LIPA: variants seen among roughly 807,000 people sequenced by gnomAD.
LIPA encodes lipase A, lysosomal acid type.
In LIPA, 26 loss-of-function variants were observed where a neutral mutation model predicts 40.6. That is an observed-to-expected ratio of 0.64 (90% CI 0.47 to 0.89). The LOEUF (loss-of-function observed/expected upper bound fraction) is 0.89, where lower values mean the gene tolerates loss of function less well. Ranked by LOEUF, LIPA falls within the 40% of genes least tolerant of loss-of-function variation. The pLI is 0.00. For synonymous variants in LIPA, 188 were observed against 168.4 expected (o/e 1.12, Z -0.90); for missense variants, 455 against 479.6 (o/e 0.95, Z 0.48).
At chr10:89,258,622 T>G (rs144482039) in intron 1 of LIPA, among the ~76,000 whole-genome samples, 1 of 152,210 alleles carries the variant, frequency 6.6e-6, no homozygotes, top group South Asian at 2.1e-4. Flanking sequence ...GTGTGGCCAC[T>G]TTGGAAAACA....
intron 2 of LIPA, among the ~76,000 whole-genome samples, 159 bp from the exon 3 acceptor site, chr10:89,245,952 A>T (rs1843019370): frequency 6.6e-6 from 1 of 152,028 alleles, no homozygotes; most frequent in Non-Finnish European, 1.5e-5. Context: ...ACTTCTCATC[A>T]CAAGAGTAAA....
At chr10:89,394,575 AAAATATATATATAT>A (rs1844306043) in intron 2 of LIPA, among the ~76,000 whole-genome samples, 1 of 114,270 alleles carries the variant, frequency 8.8e-6, no homozygotes, top group South Asian at 2.8e-4. Context: ...GTACTACAGG[AAAATATATATATAT>A]ATATATATAT....
In LIPA at chr10:89,215,071, A is replaced by C. The variant is rs754202718; in HGVS notation, c.967-10T>G. The C allele has an allele frequency of 4.4e-6, 7 of 1,580,188 alleles. No individual in the cohort carries two copies. The South Asian group carries it at 7.7e-5, about 17-fold the overall frequency. ...ATGTGGGAGGATAACTCTACAATGA[A>C]AAGGAACCAGAGAAAGCCTCGTTGT... On this transcript the variant is annotated splice_polypyrimidine_tract_variant and intron_variant, in intron 9 of 9. Coordinates refer to ENST00000336233, the MANE Select transcript of LIPA (RefSeq NM_000235.4).
In LIPA at chr10:89,225,806, G is replaced by A. The variant is rs150520435; in HGVS notation, c.539-578C>T. Among the ~76,000 whole-genome samples, 1,521 of 152,164 alleles carry A rather than the reference G, an allele frequency of 1.0e-2. 6 individuals carry two copies. Among genetic ancestry groups the A allele is most frequent in the Middle Eastern group, 0.017 (5 of 294 alleles). On this transcript the variant is annotated intron_variant, in intron 5 of 9. Coordinates refer to ENST00000336233, the MANE Select transcript of LIPA (RefSeq NM_000235.4). ...TGGGAGATAATTGAATCACGGAGGCGGTTCCCCCCATACTGTTCTTGTGGT... is the reference window on the plus strand; with the variant it reads ...TGGGAGATAATTGAATCACGGAGGCAGTTCCCCCCATACTGTTCTTGTGGT...
chr10:89,252,098 T>A (rs181941858), upstream of LIPA: 3 of 152,318 alleles, frequency 2.0e-5, no homozygotes. Context: ...GGCCTTCTGC[T>A]CCGCCCCCGA....
rs148649296 is a variant in LIPA at position 89,294,086 on chromosome 10, C to T, written c.-1-46437G>A. ...ACGAATGGTGAATGAATGAATGAAA[C>T]AAATACTCCTAGTGTTCTAACAGGG... On this transcript the variant is annotated intron_variant, in intron 1 of 5. Transcript: ENST00000282673. Among the ~76,000 whole-genome samples, 5 of 152,282 alleles carry T rather than the reference C, an allele frequency of 3.3e-5. No homozygotes were observed. In the East Asian group the frequency reaches 9.6e-4, roughly 29 times the overall value.
chr10:89,265,209 C>T (rs1467998477), intron 1 of LIPA, among the ~76,000 whole-genome samples: 2 of 119,388 alleles, frequency 1.7e-5, no homozygotes, highest in African/African-American at 6.5e-5. Flanking sequence ...GAGTGGGGTG[C>T]AGGGGGTTGG....
chr10:89,381,734 A>C (rs1355027181), intron 2 of LIPA, among the ~76,000 whole-genome samples: 1 of 151,988 alleles, frequency 6.6e-6, no homozygotes, highest in Non-Finnish European at 1.5e-5. Context: ...GGTGCTATTC[A>C]TTATCTTGTG....
At chr10:89,219,045 T>G (rs1208481113) in intron 8 of LIPA, among the ~76,000 whole-genome samples, 1 of 152,164 alleles carries the variant, frequency 6.6e-6, no homozygotes. Flanking sequence ...ATACAAGTCA[T>G]TTTTCTTTCA....
chr10:89,264,159 G>A (rs967394969), intron 1 of LIPA, among the ~76,000 whole-genome samples: 1 of 152,102 alleles, frequency 6.6e-6, no homozygotes, highest in Non-Finnish European at 1.5e-5. Context: ...ATGGCAAGCA[G>A]GGGGGGTGGT....
intron 3 of LIPA, among the ~76,000 whole-genome samples, chr10:89,242,696 C>T (rs1035449096): frequency 1.3e-5 from 2 of 152,208 alleles, no homozygotes; most frequent in Non-Finnish European, 2.9e-5. Context: ...TGTTTTAATA[C>T]ATTTTGTAAT....
chr10:89,289,374 C>T (rs1352657028), intron 1 of LIPA, among the ~76,000 whole-genome samples: 1 of 152,204 alleles, frequency 6.6e-6, no homozygotes, highest in East Asian at 1.9e-4. Context: ...TACTGCTCCT[C>T]AGGGAATGTT....
In LIPA at chr10:89,223,938, G is replaced by A. The variant is rs944768703; in HGVS notation, c.676-108C>T. The A allele has an allele frequency of 4.4e-6, 5 of 1,145,670 alleles. No homozygotes were observed. In the East Asian group the frequency reaches 1.2e-4, roughly 27 times the overall value. 71.0% of individuals were successfully genotyped at this position (1,145,670 alleles called of 1,614,324 possible). A position where few individuals can be genotyped will look rare whatever the true frequency, so the allele number is the denominator to read the frequency against. Reference sequence around the variant, plus strand: ...ACAAGTACCCAATGTCTCCACGAATGGCCTCAGGAGAGAATGGCAACCAGT... The same window carrying A: ...ACAAGTACCCAATGTCTCCACGAATAGCCTCAGGAGAGAATGGCAACCAGT... On this transcript the variant is annotated intron_variant, in intron 6 of 9. Transcript: ENST00000336233.
chr10:89,390,266 G>A (rs531621105), intron 2 of LIPA, among the ~76,000 whole-genome samples: 7 of 152,138 alleles, frequency 4.6e-5, no homozygotes, highest in Admixed American at 1.3e-4. Context: ...GATTACAGGC[G>A]TGAGCCACTG....
intron 2 of LIPA, among the ~76,000 whole-genome samples, chr10:89,374,218 G>GTTAAGTTTTATTTCTCCAATGC (rs1844108098): frequency 6.6e-6 from 1 of 152,202 alleles, no homozygotes; most frequent in Admixed American, 6.5e-5. Context: ...GTTGATAGTG[G>GTTAAGTTTTATTTCTCCAATGC]TTAAGTTTTA....
intron 1 of LIPA, chr10:89,306,763 G>A: frequency 6.2e-7 from 1 of 1,614,114 alleles, no homozygotes; most frequent in Non-Finnish European, 8.5e-7. Flanking sequence ...CGATTGAACT[G>A]CTTAAAAAGG....
At chr10:89,392,620 C>T (rs886973664) in intron 2 of LIPA, 2 of 1,388,472 alleles carry the variant, frequency 1.4e-6, no homozygotes, top group Non-Finnish European at 2.1e-6. Context: ...GGGGTTTAAA[C>T]GTAACTGAAA....
At chr10:89,400,221 C>A (rs1181637898) in intron 2 of LIPA, among the ~76,000 whole-genome samples, 1 of 152,154 alleles carries the variant, frequency 6.6e-6, no homozygotes, top group Non-Finnish European at 1.5e-5. Context: ...AGACATCCAA[C>A]TTTGTTCTTC....
At chr10:89,266,270 CT>C (rs1379667727) in intron 1 of LIPA, among the ~76,000 whole-genome samples, 25 of 152,152 alleles carry the variant, frequency 1.6e-4, no homozygotes, top group African/African-American at 4.1e-4. Context: ...AATGATATGT[CT>C]TTTTTTATGT....
Sources: allele counts gnomAD v4.1 joint callset (sites outside exome capture counted in the v4.1 genomes callset), GRCh38; gene constraint gnomAD v4.1.1; transcripts MANE v1.5; gene names NCBI Gene and HGNC (gene_info 2026-07-23, HGNC 2026-07-21).